MYH7B: variants seen among roughly 807,000 people sequenced by gnomAD.
The protein encoded by MYH7B is myosin heavy chain 7B, also known as myosin-7B.
In MYH7B, 205 loss-of-function variants were observed where a neutral mutation model predicts 234.5. The ratio of observed to expected loss-of-function variants is 0.87; its 90% CI spans 0.78 to 0.98. The LOEUF (loss-of-function observed/expected upper bound fraction) is 0.98. Among genes scored for constraint, MYH7B ranks in the 50% least tolerant of loss-of-function variants. The pLI, the probability that MYH7B is intolerant of heterozygous loss-of-function variation, is 0.00. For synonymous variants in MYH7B, 1,193 were observed against 1,105.0 expected, an observed-to-expected ratio of 1.08 and a Z score of -1.58; for missense variants, 2,652 against 2,633.4, an observed-to-expected ratio of 1.01 and a Z score of -0.15.
At chr20:34,988,892 C>A (rs1600444438) in intron 19 of MYH7B, among the ~76,000 whole-genome samples, 1 of 149,696 alleles carries the variant, frequency 6.7e-6, no homozygotes, top group Non-Finnish European at 1.5e-5. Context: ...TCACTGCAAC[C>A]TTCGCCTCCA....
At chr20:34,978,196 G>A (rs2081887865) in intron 5 of MYH7B, 100 bp downstream of exon 5, 1 of 1,421,478 alleles carries the variant, frequency 7.0e-7, no homozygotes, top group Non-Finnish European at 9.7e-7. Flanking sequence ...GGCTGAAGGG[G>A]CATTGGGGCC....
At chr20:34,956,747 T>C (rs761329731) in intron 1 of MYH7B, among the ~76,000 whole-genome samples, 7 of 152,076 alleles carry the variant, frequency 4.6e-5, no homozygotes, top group African/African-American at 1.4e-4. Flanking sequence ...GTGTTCCAAA[T>C]TGCAGGAACA....
intron 1 of MYH7B, among the ~76,000 whole-genome samples, chr20:34,956,467 G>T (rs867557899): frequency 6.6e-5 from 10 of 152,232 alleles, no homozygotes; most frequent in Admixed American, 6.5e-5. Context: ...GCCCCCAGGT[G>T]CCTTCCCTGT....
chr20:34,988,841 ACT>A (rs986531526), intron 19 of MYH7B, among the ~76,000 whole-genome samples: 9 of 120,990 alleles, frequency 7.4e-5, no homozygotes, highest in Non-Finnish European at 1.1e-4. Context: ...ATGGAGTCTC[ACT>A]CTGTCGCCCA....
chr20:34,966,208 G>A lies in MYH7B; in HGVS notation c.-222+7996G>A, dbSNP rs77516869. Among the ~76,000 whole-genome samples the A allele has an allele frequency of 9.0e-3, 1,369 of 152,336 alleles. 28 individuals are homozygous for A. Among genetic ancestry groups the A allele is most frequent in the African/African-American group, 0.031 (1,298 of 41,572 alleles). On this transcript the variant is annotated intron_variant, in intron 2 of 44. Coordinates refer to ENST00000262873, the Ensembl canonical transcript of MYH7B. The stretch of plus-strand genomic sequence containing the variant: ...AGCCACCAGGGCCCTGTGATAAGGT[G>A]GCACCACATACTGATAGCTGTCCAG...
intron 37 of MYH7B, 36 bp downstream of exon 37, chr20:34,999,731 C>T (rs1402864684): frequency 5.6e-6 from 9 of 1,608,592 alleles, no homozygotes; most frequent in Middle Eastern, 1.8e-4. Context: ...TGGACACTGA[C>T]CTGCTGCTCC....
chr20:34,973,385 G>A (rs1432652074), intron 2 of MYH7B, among the ~76,000 whole-genome samples: 1 of 152,208 alleles, frequency 6.6e-6, no homozygotes, highest in African/African-American at 2.4e-5. Flanking sequence ...AGCTGTAGAA[G>A]CATTATTCAC....
intron 3 of MYH7B, 101 bp from the exon 4 acceptor site, chr20:34,977,530 TG>T: frequency 9.3e-7 from 1 of 1,072,670 alleles, no homozygotes; most frequent in Non-Finnish European, 1.4e-6. Flanking sequence ...GCCGTGCTGG[TG>T]GAGATAAAAG....
intron 26 of MYH7B, 146 bp downstream of exon 26, chr20:34,993,616 C>T (rs2082198877): frequency 2.1e-6 from 2 of 952,290 alleles, no homozygotes; most frequent in Non-Finnish European, 1.5e-6. Context: ...CTGTGTCCCC[C>T]AGCCTCCATT....
chr20:34,995,209 C>A, intron 27 of MYH7B, 127 bp from the exon 28 acceptor site: 1 of 882,206 alleles, frequency 1.1e-6, no homozygotes, highest in Non-Finnish European at 1.7e-6. Flanking sequence ...TCAAGACATT[C>A]CTGAGTTCTC....
intron 30 of MYH7B, 68 bp downstream of exon 30, chr20:34,996,826 T>A: frequency 6.4e-7 from 1 of 1,558,112 alleles, no homozygotes; most frequent in Non-Finnish European, 8.7e-7. Flanking sequence ...CCTTCTGGAT[T>A]CTTGTGGTTC....
intron 32 of MYH7B, 149 bp from the exon 33 acceptor site, chr20:34,998,146 C>A: frequency 1.0e-6 from 1 of 953,310 alleles, no homozygotes; most frequent in Non-Finnish European, 1.6e-6. Flanking sequence ...AATCTCTTTC[C>A]CTGACTTTGA....
At chr20:34,987,729 T>G in intron 17 of MYH7B, 36 bp from the exon 18 acceptor site, 1 of 1,613,626 alleles carries the variant, frequency 6.2e-7, no homozygotes, top group Non-Finnish European at 8.5e-7. Context: ...GGTCCCCTCC[T>G]TGCCAGGTCC....
exon 35 of MYH7B, chr20:34,998,819 A>G (rs970504562): frequency 6.2e-7 from 1 of 1,613,184 alleles, no homozygotes; most frequent in Non-Finnish European, 8.5e-7. Flanking sequence ...GCTGAGCTGC[A>G]GCGGCTGCTG....
intron 2 of MYH7B, among the ~76,000 whole-genome samples, chr20:34,959,176 A>G (rs1411933302): frequency 1.3e-5 from 2 of 152,200 alleles, no homozygotes; most frequent in South Asian, 2.1e-4. Context: ...AAAATTTTGC[A>G]TCAGCTACGT....
exon 40 of MYH7B, chr20:35,000,843 G>A: frequency 6.2e-7 from 1 of 1,613,876 alleles, no homozygotes; most frequent in Non-Finnish European, 8.5e-7. Flanking sequence ...GGAGGAGGCT[G>A]CACAGGAGAG....
chr20:34,996,581 C>T (rs758660717), intron 29 of MYH7B, 32 bp from the exon 30 acceptor site: 7 of 1,604,672 alleles, frequency 4.4e-6, no homozygotes, highest in Non-Finnish European at 4.3e-6. Context: ...TGGCTTGGGC[C>T]ATGGCTGACC....
chr20:34,980,300 G>A, intron 7 of MYH7B: 2 of 390,712 alleles, frequency 5.1e-6, no homozygotes, highest in Non-Finnish European at 4.7e-6. Flanking sequence ...TGTAATCCCA[G>A]CACTTTGGGA....
chr20:34,999,074 G>T, exon 36 of MYH7B: 1 of 1,611,074 alleles, frequency 6.2e-7, no homozygotes, highest in Non-Finnish European at 8.5e-7. Context: ...TGGCACTGCG[G>T]CTGCAGGAGG....
Sources: gnomAD v4.1 joint callset for allele counts (sites outside exome capture counted in the v4.1 genomes callset) on GRCh38, gnomAD v4.1.1 for gene constraint, MANE v1.5 for transcripts, NCBI Gene and HGNC (gene_info 2026-07-23, HGNC 2026-07-21) for gene names.